GLT8D2: variants seen among roughly 807,000 people sequenced by gnomAD.
The protein encoded by GLT8D2 is glycosyltransferase 8 domain-containing protein 2.
GLT8D2 carries 45 observed loss-of-function variants against 44.5 expected under a neutral mutation model. The ratio of observed to expected loss-of-function variants is 1.01; its 90% CI spans 0.80 to 1.30. The LOEUF (loss-of-function observed/expected upper bound fraction) is 1.30. Among genes scored for constraint, GLT8D2 ranks in the 50% most tolerant of loss-of-function variants. GLT8D2 has a pLI of 0.00. For synonymous variants in GLT8D2, 156 were observed against 157.2 expected (o/e 0.99, Z 0.06); for missense variants, 400 against 430.4 (o/e 0.93, Z 0.62).
chr12:103,998,064 T>C (rs867585065), intron 6 of GLT8D2, among the ~76,000 whole-genome samples: 7 of 152,084 alleles, frequency 4.6e-5, no homozygotes, highest in Admixed American at 1.3e-4. Flanking sequence ...ACAACATTGC[T>C]TCCTCCGAAG....
At chr12:103,990,781 A>G (rs1418964466) in intron 10 of GLT8D2, among the ~76,000 whole-genome samples, 4 of 152,184 alleles carry the variant, frequency 2.6e-5, no homozygotes, top group East Asian at 3.9e-4. Flanking sequence ...GTCTATGCAA[A>G]GGAAATATTC....
chr12:104,060,208 G>T (rs548984098), intron 1 of GLT8D2, among the ~76,000 whole-genome samples: 93 of 151,952 alleles, frequency 6.1e-4, no homozygotes, highest in Non-Finnish European at 1.1e-3. Flanking sequence ...AACTTCTCTG[G>T]CTACCTATTC....
intron 8 of GLT8D2, among the ~76,000 whole-genome samples, chr12:103,996,319 A>G (rs1410677909): frequency 6.6e-6 from 1 of 152,214 alleles, no homozygotes; most frequent in Non-Finnish European, 1.5e-5. Context: ...AATAGAACCA[A>G]TGGTTCAGCA....
chr12:104,034,035 C>A (rs1381423448), intron 1 of GLT8D2, among the ~76,000 whole-genome samples: 1 of 151,920 alleles, frequency 6.6e-6, no homozygotes, highest in East Asian at 1.9e-4. Flanking sequence ...CTGAAGAAAG[C>A]AAACAAAAAA....
At chr12:104,019,701 T>G in intron 2 of GLT8D2, 25 bp from the exon 3 acceptor site, 4 of 1,523,208 alleles carry the variant, frequency 2.6e-6, no homozygotes. Context: ...AAAAAAAATC[T>G]GTTTAAAGGA....
At chr12:104,005,154 G>A (rs534962819) in intron 4 of GLT8D2, among the ~76,000 whole-genome samples, 1 of 152,318 alleles carries the variant, frequency 6.6e-6, no homozygotes, top group Admixed American at 6.5e-5. Context: ...TTTAATAAAT[G>A]GTGATGGGAA....
intron 1 of GLT8D2, among the ~76,000 whole-genome samples, chr12:104,034,709 G>A (rs1193028935): frequency 1.3e-5 from 2 of 152,276 alleles, no homozygotes; most frequent in East Asian, 1.9e-4. Context: ...ACTTCTGGGG[G>A]CAGGGCATAG....
At chr12:104,024,244 A>G (rs1175607941) in intron 1 of GLT8D2, among the ~76,000 whole-genome samples, 1 of 152,146 alleles carries the variant, frequency 6.6e-6, no homozygotes, top group Non-Finnish European at 1.5e-5. Context: ...ACAAACAAAA[A>G]AACCCTCAAA....
Position 103,989,198 on chromosome 12 carries a change from A to C in GLT8D2, c.*210T>G, listed in dbSNP as rs1374171651. 1 of 392,390 alleles carries C rather than the reference A, an allele frequency of 2.5e-6. No homozygotes were observed. Among genetic ancestry groups the C allele is most frequent in the African/African-American group, 2.1e-5 (1 of 48,572 alleles). 24.3% of individuals were successfully genotyped at this position (392,390 alleles called of 1,614,324 possible). On this transcript the variant is annotated 3_prime_UTR_variant, in exon 11 of 11. Coordinates refer to ENST00000360814, the MANE Select transcript of GLT8D2 (RefSeq NM_001384711.1). ...CTTCCTTTATGTTTTTCAGTCACAT[A>C]ATCTTGATTTCCATAGTTATCACAT... is the stretch of plus-strand genomic sequence containing the variant.
intron 7 of GLT8D2, among the ~76,000 whole-genome samples, chr12:103,997,116 G>A (rs916226807): frequency 6.6e-6 from 1 of 152,176 alleles, no homozygotes; most frequent in African/African-American, 2.4e-5. Flanking sequence ...TGTAGTGGAA[G>A]AGATAGAACA....
At chr12:104,057,330 G>C (rs752776949) in intron 1 of GLT8D2, among the ~76,000 whole-genome samples, 1 of 152,032 alleles carries the variant, frequency 6.6e-6, no homozygotes, top group African/African-American at 2.4e-5. Flanking sequence ...AGACCAGCCT[G>C]AGCAACATAG....
At chr12:104,006,948 T>C (rs1875097924) in intron 4 of GLT8D2, among the ~76,000 whole-genome samples, 1 of 152,200 alleles carries the variant, frequency 6.6e-6, no homozygotes. Flanking sequence ...TTACTTTGCC[T>C]ACACTGCTAT....
At position 103,994,513 on chromosome 12, in the gene GLT8D2, C is replaced by G. The variant is rs2583277; in HGVS notation, c.601-12G>C. ...CCCATATATGTGTTCTGTAAGGGAACAGGATGTGCATGCTTTTGACCAGCG... is the reference window on the plus strand; with the variant it reads ...CCCATATATGTGTTCTGTAAGGGAAGAGGATGTGCATGCTTTTGACCAGCG... On this transcript the variant is annotated splice_polypyrimidine_tract_variant and intron_variant, in intron 8 of 10. Coordinates refer to ENST00000360814, the MANE Select transcript of GLT8D2 (RefSeq NM_001384711.1). 2.4e-5 allele frequency: 38 copies of G among 1,589,976 alleles called. No homozygotes were observed. The highest frequency in any genetic ancestry group is 3.2e-5 in the Non-Finnish European group (37 of 1,167,924).
chr12:104,005,682 G>A (rs978880720), intron 4 of GLT8D2, among the ~76,000 whole-genome samples: 3 of 152,160 alleles, frequency 2.0e-5, no homozygotes, highest in Non-Finnish European at 4.4e-5. Flanking sequence ...ACCACAATGA[G>A]ATACCATCTC....
Position 103,994,384 on chromosome 12 carries a change from G to C in GLT8D2, c.718C>G (p.His240Asp), listed in dbSNP as rs1442931483. ...VIVANMTEWK[H>D]QRITKQLEKW... ...TCCAATTGCTTGGTGATGCGCTGGT[G>C]CTTCCATTCTGTCATGTTGGCAACA... The change falls in exon 9 of 11, where the codon CAC becomes GAC. Residue 240 changes from histidine to aspartate, a missense_variant. His to Asp is a moderately conservative substitution (Grantham distance 81). Transcript: ENST00000360814. The C allele has an allele frequency of 6.2e-7, 1 of 1,613,902 alleles. No homozygotes were observed. The highest frequency in any genetic ancestry group is 1.3e-5 in the African/African-American group (1 of 74,906).
intron 10 of GLT8D2, among the ~76,000 whole-genome samples, chr12:103,992,017 GT>G (rs138332650): frequency 1.7e-3 from 257 of 152,144 alleles, no homozygotes; most frequent in African/African-American, 6.1e-3. Flanking sequence ...AAAACAAAAG[GT>G]TTTTTAATAA....
intron 1 of GLT8D2, among the ~76,000 whole-genome samples, chr12:104,047,341 G>A (rs927416334): frequency 8.6e-5 from 12 of 138,974 alleles, no homozygotes; most frequent in South Asian, 2.2e-4. Context: ...TTTCGCTCTC[G>A]TTGCCCAGGC....
chr12:104,055,155 T>C (rs1185122695), upstream of GLT8D2, among the ~76,000 whole-genome samples: 1 of 152,120 alleles, frequency 6.6e-6, no homozygotes, highest in Non-Finnish European at 1.5e-5. Context: ...CCCACTGGGA[T>C]ACAGCCAACC....
chr12:104,007,841 C>T (rs948628650), intron 4 of GLT8D2, among the ~76,000 whole-genome samples: 2 of 151,982 alleles, frequency 1.3e-5, no homozygotes, highest in South Asian at 2.1e-4. Flanking sequence ...TTTCCCCATA[C>T]TGTTCTCATG....
Sources: allele counts gnomAD v4.1 joint callset (sites outside exome capture counted in the v4.1 genomes callset), GRCh38; gene constraint gnomAD v4.1.1; transcripts MANE v1.5; gene names NCBI Gene and HGNC (gene_info 2026-07-23, HGNC 2026-07-21).